BABAM2: variants seen among roughly 807,000 people sequenced by gnomAD.
The protein encoded by BABAM2 is BRISC and BRCA1 A complex member 2, also known as BRISC and BRCA1-A complex member 2.
BABAM2 carries 31 observed loss-of-function variants against 54.7 expected under a neutral mutation model. The observed-to-expected ratio is 0.57, with a 90% confidence interval of 0.43 to 0.77. BABAM2 has a LOEUF of 0.77. Ranked by LOEUF, BABAM2 falls within the 30% of genes least tolerant of loss-of-function variation. BABAM2 has a pLI of 0.00. For synonymous variants in BABAM2, 167 were observed against 162.9 expected, an observed-to-expected ratio of 1.03 and a Z score of -0.19; for missense variants, 364 against 455.8, an observed-to-expected ratio of 0.80 and a Z score of 1.83.
chr2:27,950,917 C>G (rs1669666922), intron 3 of BABAM2, among the ~76,000 whole-genome samples: 1 of 152,018 alleles, frequency 6.6e-6, no homozygotes, highest in Non-Finnish European at 1.5e-5. Flanking sequence ...ATCTAAGTTG[C>G]TGAATTGATT....
At chr2:27,889,751 C>CA (rs1184812359), upstream of BABAM2, among the ~76,000 whole-genome samples, 1 of 152,158 alleles carries the variant, frequency 6.6e-6, no homozygotes, top group African/African-American at 2.4e-5. Context: ...TGAAAGGTGA[C>CA]AGTCTTTTTG....
At chr2:28,134,282 T>A (rs1670350832) in intron 7 of BABAM2, 1 of 151,938 alleles carries the variant, frequency 6.6e-6, no homozygotes, top group South Asian at 2.1e-4. Context: ...GAAAAAATAG[T>A]TTCTAAACCA....
At chr2:27,987,279 C>G (rs1158613332) in intron 3 of BABAM2, among the ~76,000 whole-genome samples, 2 of 152,074 alleles carry the variant, frequency 1.3e-5, no homozygotes, top group African/African-American at 4.8e-5. Flanking sequence ...TATGTTCTTT[C>G]CATTATACAA....
At chr2:28,206,444 C>T (rs772617355) in intron 7 of BABAM2, among the ~76,000 whole-genome samples, 5 of 152,090 alleles carry the variant, frequency 3.3e-5, no homozygotes, top group African/African-American at 1.2e-4. Context: ...TTAGAGTGAT[C>T]AGGAATGGAG....
chr2:28,267,398 A>AGCTGTTGCTT (rs1685071599), intron 10 of BABAM2, among the ~76,000 whole-genome samples: 1 of 151,844 alleles, frequency 6.6e-6, no homozygotes, highest in Non-Finnish European at 1.5e-5. Context: ...CCCCAGGCCC[A>AGCTGTTGCTT]GCTGTTGCTT....
intron 3 of BABAM2, among the ~76,000 whole-genome samples, chr2:27,982,854 C>T (rs942550316): frequency 3.2e-4 from 48 of 151,304 alleles, no homozygotes; most frequent in Middle Eastern, 3.4e-3. Flanking sequence ...TACACACACA[C>T]ACACACACAC....
At chr2:28,104,462 A>G (rs1667334666) in intron 6 of BABAM2, among the ~76,000 whole-genome samples, 2 of 152,250 alleles carry the variant, frequency 1.3e-5, no homozygotes. Flanking sequence ...TGGCCATCAG[A>G]GAAATGTAAA....
intron 5 of BABAM2, among the ~76,000 whole-genome samples, chr2:28,040,334 T>C (rs1676989604): frequency 8.4e-6 from 1 of 118,998 alleles, no homozygotes; most frequent in South Asian, 3.0e-4. Flanking sequence ...GGAGTCTCGC[T>C]CTGTCGCCCA....
intron 11 of BABAM2, among the ~76,000 whole-genome samples, chr2:28,318,729 G>A (rs1285900812): frequency 6.6e-6 from 1 of 152,198 alleles, no homozygotes; most frequent in African/African-American, 2.4e-5. Flanking sequence ...TAATGGCTCT[G>A]GTATGCATGG....
At chr2:28,284,010 A>G (rs1558499284) in intron 10 of BABAM2, among the ~76,000 whole-genome samples, 1 of 152,220 alleles carries the variant, frequency 6.6e-6, no homozygotes, top group Non-Finnish European at 1.5e-5. Context: ...CCTTTGATTG[A>G]AAAGTATCTT....
intron 10 of BABAM2, among the ~76,000 whole-genome samples, chr2:28,297,138 G>A (rs954371400): frequency 6.6e-6 from 1 of 152,214 alleles, no homozygotes; most frequent in Non-Finnish European, 1.5e-5. Flanking sequence ...TCTGGAGTAG[G>A]AGAAGGCAAT....
chr2:27,988,726 T>A (rs1481208661), intron 4 of BABAM2, among the ~76,000 whole-genome samples: 1 of 152,224 alleles, frequency 6.6e-6, no homozygotes, highest in African/African-American at 2.4e-5. Context: ...AAAAAAGTTG[T>A]GTGTTTTGCA....
rs1253326256 is a variant in BABAM2 at position 27,988,097 on chromosome 2, G to A, written c.300+10G>A. On this transcript the variant is annotated intron_variant, in intron 4 of 11. Coordinates refer to ENST00000379624, the MANE Select transcript of BABAM2 (RefSeq NM_199191.3). ...CCCCTCAGCTTTGCAGGTGAGTACT[G>A]CAGACTTGCTTGAATGATCTTTCTT... is the stretch of plus-strand genomic sequence containing the variant. 3 of 1,606,672 alleles carry A rather than the reference G, an allele frequency of 1.9e-6. No homozygotes were observed. Among genetic ancestry groups the A allele is most frequent in the Admixed American group, 3.3e-5 (2 of 59,880 alleles).
intron 7 of BABAM2, among the ~76,000 whole-genome samples, chr2:28,142,787 A>G (rs2147749389): frequency 6.6e-6 from 1 of 152,284 alleles, no homozygotes; most frequent in African/African-American, 2.4e-5. Flanking sequence ...AAAGGAAATT[A>G]TTTTGAGAGC....
intron 7 of BABAM2, among the ~76,000 whole-genome samples, chr2:28,178,431 A>C (rs1675250162): frequency 6.6e-6 from 1 of 152,202 alleles, no homozygotes. Flanking sequence ...TAAGGAGGAA[A>C]TCACAAAATT....
chr2:28,117,690 C>T (rs948638928), intron 6 of BABAM2, among the ~76,000 whole-genome samples: 2 of 152,190 alleles, frequency 1.3e-5, no homozygotes, highest in African/African-American at 4.8e-5. Flanking sequence ...CATTTAGTCA[C>T]AAATCTTGAA....
At chr2:27,970,052 T>G (rs978295615) in intron 3 of BABAM2, among the ~76,000 whole-genome samples, 1 of 152,206 alleles carries the variant, frequency 6.6e-6, no homozygotes, top group African/African-American at 2.4e-5. Flanking sequence ...CTTTGTATCC[T>G]CATTTCCAAA....
chr2:28,072,320 A>G (rs547396525), intron 6 of BABAM2, among the ~76,000 whole-genome samples: 3 of 149,766 alleles, frequency 2.0e-5, no homozygotes, highest in Non-Finnish European at 3.0e-5. Flanking sequence ...TTATAGGCAC[A>G]CACCACCACG....
intron 6 of BABAM2, among the ~76,000 whole-genome samples, chr2:28,049,964 A>G (rs1677879871): frequency 6.6e-6 from 1 of 152,206 alleles, no homozygotes; most frequent in African/African-American, 2.4e-5. Flanking sequence ...CCTAGTAGCA[A>G]ATGCAGATAT....
Sources: allele counts gnomAD v4.1 joint callset (sites outside exome capture counted in the v4.1 genomes callset), GRCh38; gene constraint gnomAD v4.1.1; transcripts MANE v1.5; gene names NCBI Gene and HGNC (gene_info 2026-07-23, HGNC 2026-07-21).